The following GATA1 variants were observed in gnomAD, a reference collection of about 807,000 sequenced individuals.
The protein encoded by GATA1 is GATA binding protein 1.
In GATA1, 2 loss-of-function variants were observed where a neutral mutation model predicts 18.9. The ratio of observed to expected loss-of-function variants is 0.11; its 90% CI spans 0.04 to 0.33. The LOEUF (loss-of-function observed/expected upper bound fraction) is 0.33, where lower values mean the gene tolerates loss of function less well. Ranked by LOEUF, GATA1 falls within the 10% of genes least tolerant of loss-of-function variation. The pLI is 1.00. For missense variants in GATA1, 272 were observed against 344.7 expected (o/e 0.79, Z 1.67); for synonymous variants, 152 against 149.1 (o/e 1.02, Z -0.14).
In GATA1 at chrX:48,792,388, C is replaced by T; in HGVS notation, c.664C>T (p.His222Tyr). 1 of 1,211,727 alleles carries T rather than the reference C, an allele frequency of 8.3e-7. No individual in the cohort carries two copies. The highest frequency in any genetic ancestry group is 1.1e-6 in the Non-Finnish European group (1 of 895,422). Reference sequence around the variant, plus strand: ...ACTGTGGCGGAGGGACAGGACAGGCCACTACCTATGCAACGCCTGCGGCCT... The same window carrying T: ...ACTGTGGCGGAGGGACAGGACAGGCTACTACCTATGCAACGCCTGCGGCCT... ...TPLWRRDRTG[H>Y]YLCNACGLYH... The change falls in exon 4 of 6, where the codon CAC becomes TAC. Residue 222 changes from histidine to tyrosine, a missense_variant. Around this residue, in one of 3 missense-constraint regions of GATA1, gnomAD observed 42 missense variants for 103.2 expected, o/e 0.41. Transcript: ENST00000376670.
chrX:48,791,774 C>T (rs962104930), intron 2 of GATA1, 70 bp from the exon 3 acceptor site: 50 of 1,158,227 alleles, frequency 4.3e-5, no homozygotes, highest in Admixed American at 6.6e-5. Context: ...GGAACCACTG[C>T]ACCCTGACGT....
rs1277202072 is a variant in GATA1, at chrX:48,791,246, C to T, written c.137C>T (p.Ser46Phe). 8.3e-7 allele frequency: 1 copy of T among 1,204,135 alleles called. No individual in the cohort carries two copies. Among genetic ancestry groups the T allele is most frequent in the Non-Finnish European group, 1.1e-6 (1 of 892,250 alleles). ...CCTGAGGGCTTGGATGCAGCAGCTTCCTCCACTGCCCCGAGCACAGCCACC... is the reference window on the plus strand; with the variant it reads ...CCTGAGGGCTTGGATGCAGCAGCTTTCTCCACTGCCCCGAGCACAGCCACC... The part of the protein sequence containing the change: ...SGPEGLDAAA[S>F]STAPSTATAA... The change falls in exon 2 of 6, where the codon TCC becomes TTC. Residue 46 changes from serine to phenylalanine, a missense_variant. Ser to Phe is a radical substitution (Grantham distance 155). Coordinates refer to ENST00000376670, the MANE Select transcript of GATA1 (RefSeq NM_002049.4).
Position 48,793,306 on chromosome X carries a change from C to A in GATA1, c.870+9C>A, listed in dbSNP as rs1557020456. 8.3e-7 allele frequency: 1 copy of A among 1,209,855 alleles called. No homozygotes were observed. On this transcript the variant is annotated intron_variant, in intron 5 of 5. Coordinates refer to ENST00000376670, the MANE Select transcript of GATA1 (RefSeq NM_002049.4). ...ACTACAAGCTACACCAGGTGACGCC[C>A]TGCCCCTTGGAGCCACCCCTCTGCT...
chrX:48,793,064 C>A, intron 4 of GATA1, 108 bp from the exon 5 acceptor site: 1 of 867,732 alleles, frequency 1.2e-6, no homozygotes, highest in Non-Finnish European at 1.7e-6. Context: ...CAAAGCCCTG[C>A]CTTCAACCTG....
At position 48,791,930 on chromosome X, in the gene GATA1, C is replaced by T. The variant is rs2147306227; in HGVS notation, c.307C>T (p.Leu103Phe). The T allele has an allele frequency of 5.0e-6, 6 of 1,211,946 alleles. No homozygotes were observed. The highest frequency in any genetic ancestry group is 6.7e-6 in the Non-Finnish European group (6 of 895,465). ...CGGCTGGGCCTACGGCAAGACGGGG[C>T]TCTACCCTGCCTCAACTGTGTGTCC... ...YAGWAYGKTG[L>F]YPASTVCPTR... Residue 103 changes from leucine (L) to phenylalanine (F), a missense_variant, in exon 3 of 6, where the codon CTC (leucine) becomes TTC (phenylalanine). Physicochemically the swap from Leu to Phe is conservative, Grantham distance 22. This residue lies in a region of GATA1 where 147 missense variants were observed against 157.4 expected (regional missense o/e 0.93). Transcript: ENST00000376670.
chrX:48,793,436 TCCC>T lies in GATA1; in HGVS notation c.870+142_870+144del, dbSNP rs1776658990. 4 of 454,284 alleles carry T rather than the reference TCCC, an allele frequency of 8.8e-6. No homozygotes were observed. In the Admixed American group the frequency reaches 1.0e-4, roughly 11 times the overall value. 37.4% of individuals were successfully genotyped at this position (454,284 alleles called of 1,213,427 possible). A position where few individuals can be genotyped will look rare whatever the true frequency, so the allele number is the denominator to read the frequency against. On this transcript the variant is annotated intron_variant, in intron 5 of 5. Transcript: ENST00000376670. ...TCCCCTTTCCCTCCTTCCTCCCCCTTCCCCCATCTCTTCTACTTTCCCCCTTCC... is the reference window on the plus strand; with the variant it reads ...TCCCCTTTCCCTCCTTCCTCCCCCTTCCATCTCTTCTACTTTCCCCCTTCC...
At chrX:48,789,788 G>T (rs1338554472) in intron 1 of GATA1, among the ~76,000 whole-genome samples, 2 of 111,096 alleles carry the variant, frequency 1.8e-5, no homozygotes, top group Admixed American at 9.5e-5. Context: ...GTCTGTAGAC[G>T]CAACAGAGGT....
intron 5 of GATA1, 78 bp downstream of exon 5, chrX:48,793,375 C>G (rs1344531080): frequency 9.8e-7 from 1 of 1,019,345 alleles, no homozygotes; most frequent in Admixed American, 2.2e-5. Flanking sequence ...TGTTCCTGTT[C>G]TACCTCTCTC....
intron 1 of GATA1, 75 bp from the exon 2 acceptor site, chrX:48,791,016 G>A: frequency 3.0e-6 from 2 of 667,195 alleles, no homozygotes; most frequent in Non-Finnish European, 4.8e-6. Context: ...GAGGGGGAAA[G>A]GAGGGAAGAG....
At position 48,794,193 on chromosome X, in the gene GATA1, G is replaced by T; in HGVS notation, c.*29G>T. On this transcript the variant is annotated 3_prime_UTR_variant, in exon 6 of 6. Transcript: ENST00000376670. Reference sequence around the variant, plus strand: ...CACAGAGCATGGCCTCCAGAGGAGGGGTGGTGTCCTTCTCCTCTTGTAGCC... The same window carrying T: ...CACAGAGCATGGCCTCCAGAGGAGGTGTGGTGTCCTTCTCCTCTTGTAGCC... 1 of 1,194,343 alleles carries T rather than the reference G, an allele frequency of 8.4e-7. No individual in the cohort carries two copies. Among genetic ancestry groups the T allele is most frequent in the South Asian group, 1.8e-5 (1 of 54,411 alleles).
At chrX:48,793,392 C>T in intron 5 of GATA1, 95 bp downstream of exon 5, 6 of 936,175 alleles carry the variant, frequency 6.4e-6, no homozygotes, top group Non-Finnish European at 9.0e-6. Context: ...TCTCTTCCCC[C>T]ACAACCCTCT....
Position 48,794,246 on chromosome X carries a change from GC to G in GATA1, c.*86del. On this transcript the variant is annotated 3_prime_UTR_variant, in exon 6 of 6. Coordinates refer to ENST00000376670, the MANE Select transcript of GATA1 (RefSeq NM_002049.4). ...AATTCTGGACAACCCAAGTCTCTGG[GC>G]CCCAGGCACCCCCTGGCTTGAACCT... is the stretch of plus-strand genomic sequence containing the variant. 1 of 1,108,830 alleles carries G rather than the reference GC, an allele frequency of 9.0e-7. No homozygotes were observed. The highest frequency in any genetic ancestry group is 1.2e-6 in the Non-Finnish European group (1 of 817,000). 91.4% of individuals were successfully genotyped at this position (1,108,830 alleles called of 1,213,427 possible). A position where few individuals can be genotyped will look rare whatever the true frequency, so the allele number is the denominator to read the frequency against.
chrX:48,793,116 C>T, intron 4 of GATA1, 56 bp from the exon 5 acceptor site: 1 of 1,197,152 alleles, frequency 8.4e-7, no homozygotes. Flanking sequence ...CTGTGAGCCC[C>T]TTACCCCCAC....
Position 48,791,321 on chromosome X carries a change from A to G in GATA1, c.212A>G (p.His71Arg), listed in dbSNP as rs374300356. 9.6e-5 allele frequency: 115 copies of G among 1,197,474 alleles called. 1 individual carries two copies. The East Asian group carries it at 3.0e-3, about 31-fold the overall frequency. ...AYYRDAEAYR[H>R]SPVFQVYPLL... ...TACAGGGACGCTGAGGCCTACAGAC[A>G]CTCCCCAGGTAACTCCATTGAGTGG... Residue 71 changes from histidine to arginine, a missense_variant, in exon 2 of 6, where the codon CAC becomes CGC. His to Arg is a conservative substitution (Grantham distance 29). This residue lies in a region of GATA1 where 147 missense variants were observed against 157.4 expected (regional missense o/e 0.93). Coordinates refer to ENST00000376670, the MANE Select transcript of GATA1 (RefSeq NM_002049.4).
At chrX:48,792,703 A>G (rs782071688) in intron 4 of GATA1, among the ~76,000 whole-genome samples, 2 of 110,082 alleles carry the variant, frequency 1.8e-5, no homozygotes, top group Non-Finnish European at 3.8e-5. Context: ...CTGCATGAGA[A>G]CTCCTGCCCT....
chrX:48,790,752 G>A (rs2062671668), intron 1 of GATA1, among the ~76,000 whole-genome samples: 2 of 103,696 alleles, frequency 1.9e-5, no homozygotes, highest in Admixed American at 1.0e-4. Context: ...AGGAAGAAGG[G>A]AGAGGTAGAA....
At chrX:48,790,674 G>T (rs1298254143) in intron 1 of GATA1, among the ~76,000 whole-genome samples, 1 of 100,813 alleles carries the variant, frequency 9.9e-6, no homozygotes, top group Non-Finnish European at 2.0e-5. Flanking sequence ...GCAAAGAAGA[G>T]ATGGGAAGAA....
intron 5 of GATA1, 119 bp from the exon 6 acceptor site, chrX:48,793,674 A>C: frequency 9.6e-7 from 1 of 1,046,493 alleles, no homozygotes; most frequent in Non-Finnish European, 1.3e-6. Context: ...TTCCTTGGAC[A>C]ATCTCAGCAC....
chrX:48,792,597 G>A (rs782721888), intron 4 of GATA1, 129 bp downstream of exon 4: 62 of 839,602 alleles, frequency 7.4e-5, no homozygotes, highest in Non-Finnish European at 1.0e-4. Flanking sequence ...AGGCCACCCT[G>A]TATGGGAACC....
Sources: gnomAD v4.1 joint callset for allele counts (sites outside exome capture counted in the v4.1 genomes callset) on GRCh38, gnomAD v4.1.1 for gene constraint, gnomAD v4.1.1 regional missense constraint, MANE v1.5 for transcripts, NCBI Gene and HGNC (gene_info 2026-07-23, HGNC 2026-07-21) for gene names.